LYPD6B: variants seen among roughly 807,000 people sequenced by gnomAD.
LYPD6B encodes the protein ly6/PLAUR domain-containing protein 6B.
LYPD6B carries 17 observed loss-of-function variants against 22.8 expected under a neutral mutation model. The ratio of observed to expected loss-of-function variants is 0.75; its 90% CI spans 0.51 to 1.12. LYPD6B has a LOEUF of 1.12. Among genes scored for constraint, LYPD6B ranks in the 50% most tolerant of loss-of-function variants. The pLI, the probability that LYPD6B is intolerant of heterozygous loss-of-function variation, is 0.00. For synonymous variants in LYPD6B, 106 were observed against 91.6 expected, an observed-to-expected ratio of 1.16 and a Z score of -0.90; for missense variants, 221 against 258.3, an observed-to-expected ratio of 0.86 and a Z score of 0.99.
chr2:149,212,568 A>G (rs895408789), intron 5 of LYPD6B, among the ~76,000 whole-genome samples: 2 of 152,124 alleles, frequency 1.3e-5, no homozygotes, highest in African/African-American at 4.8e-5. Flanking sequence ...AAACAACTGT[A>G]TAATGAAACA....
At chr2:149,072,526 T>TATTTTATTTTATTTTATTTTATTTC (rs1684668065) in intron 1 of LYPD6B, among the ~76,000 whole-genome samples, 1 of 139,328 alleles carries the variant, frequency 7.2e-6, no homozygotes, top group Admixed American at 7.1e-5. Flanking sequence ...TATTTTATTT[T>TATTTTATTTTATTTTATTTTATTTC]ATTTTATTTC....
intron 1 of LYPD6B, among the ~76,000 whole-genome samples, chr2:149,112,223 A>G (rs918575022): frequency 6.6e-6 from 1 of 152,200 alleles, no homozygotes; most frequent in African/African-American, 2.4e-5. Context: ...TATGAAAAAA[A>G]GTTCCCTGTA....
chr2:149,152,464 TG>T (rs1329076595), intron 2 of LYPD6B, among the ~76,000 whole-genome samples: 13 of 152,312 alleles, frequency 8.5e-5, no homozygotes, highest in African/African-American at 2.9e-4. Flanking sequence ...TCAATGGCTA[TG>T]GAATTGGACA....
chr2:149,152,560 G>A (rs1254986364), intron 2 of LYPD6B, among the ~76,000 whole-genome samples: 2 of 152,200 alleles, frequency 1.3e-5, no homozygotes, highest in African/African-American at 4.8e-5. Flanking sequence ...TGAAGGGGCT[G>A]GGCGTTAAGG....
At chr2:149,175,051 C>CTGTGTG (rs1400990741) in intron 3 of LYPD6B, among the ~76,000 whole-genome samples, 3 of 134,650 alleles carry the variant, frequency 2.2e-5, no homozygotes, top group Non-Finnish European at 3.2e-5. Flanking sequence ...CTCTCTCTCT[C>CTGTGTG]TCTCTCTCTC....
chr2:149,213,805 C>A (rs536422187), intron 6 of LYPD6B, among the ~76,000 whole-genome samples: 2 of 152,248 alleles, frequency 1.3e-5, no homozygotes, highest in African/African-American at 2.4e-5. Flanking sequence ...TGAAATGGAA[C>A]CTCAGGGTAA....
chr2:149,180,625 C>A (rs966617968), intron 3 of LYPD6B, among the ~76,000 whole-genome samples: 2 of 152,218 alleles, frequency 1.3e-5, no homozygotes, highest in African/African-American at 2.4e-5. Context: ...AATTTGTGGG[C>A]AGGAGGCTCA....
chr2:149,171,711 T>C (rs1426365706), intron 3 of LYPD6B, among the ~76,000 whole-genome samples: 3 of 152,186 alleles, frequency 2.0e-5, no homozygotes, highest in Non-Finnish European at 2.9e-5. Flanking sequence ...TTCAATGCTC[T>C]TCTCCACTAT....
chr2:149,140,890 TA>T (rs1237728525), intron 2 of LYPD6B, among the ~76,000 whole-genome samples: 2 of 152,166 alleles, frequency 1.3e-5, no homozygotes, highest in African/African-American at 2.4e-5. Flanking sequence ...TTTGCAAAAA[TA>T]AACACTTTAG....
rs1686578128 is a variant in LYPD6B, at chr2:149,108,241, G to T, written c.-66-22642G>T. ...CCTTGCCTTCCACCATGATTGTAAGGCTCCCCCAGCCACGTGGAACTGTAA... is the reference window on the plus strand; with the variant it reads ...CCTTGCCTTCCACCATGATTGTAAGTCTCCCCCAGCCACGTGGAACTGTAA... On this transcript the variant is annotated intron_variant, in intron 1 of 6. Coordinates refer to ENST00000409642, the MANE Select transcript of LYPD6B (RefSeq NM_177964.5). 2.6e-5 allele frequency among the ~76,000 whole-genome samples: 4 copies of T among 152,140 alleles called. No homozygotes were observed. The South Asian group carries it at 8.3e-4, about 31-fold the overall frequency.
intron 1 of LYPD6B, among the ~76,000 whole-genome samples, chr2:149,064,112 G>T (rs1348877658): frequency 6.6e-6 from 1 of 152,120 alleles, no homozygotes; most frequent in Non-Finnish European, 1.5e-5. Flanking sequence ...AAAATGTTTT[G>T]TAACCAGCTT....
At chr2:149,209,159 G>A (rs1306777168) in intron 5 of LYPD6B, among the ~76,000 whole-genome samples, 3 of 152,098 alleles carry the variant, frequency 2.0e-5, no homozygotes, top group Non-Finnish European at 4.4e-5. Context: ...CTAATAATTT[G>A]GATTTTATTG....
chr2:149,196,094 A>G (rs10490385), intron 3 of LYPD6B, among the ~76,000 whole-genome samples: 1 of 152,006 alleles, frequency 6.6e-6, no homozygotes, highest in African/African-American at 2.4e-5. Context: ...TTTAACATAC[A>G]TAATTTTTCA....
rs543187114 is a variant in LYPD6B at position 149,120,625 on chromosome 2, C to T, written c.-66-10258C>T. Among the ~76,000 whole-genome samples the T allele has an allele frequency of 7.0e-4, 105 of 149,322 alleles. 1 individual carries two copies. Among genetic ancestry groups the T allele is most frequent in the Non-Finnish European group, 1.3e-3 (91 of 67,416 alleles). ...GTCTCTATCTCCTGACCTCATGATC[C>T]GCCCGCCTCAGCCTCCCAAAGTGCT... is the stretch of plus-strand genomic sequence containing the variant. On this transcript the variant is annotated intron_variant, in intron 1 of 6. Coordinates refer to ENST00000409642, the MANE Select transcript of LYPD6B (RefSeq NM_177964.5).
chr2:149,092,841 C>T (rs1685721139), intron 1 of LYPD6B, among the ~76,000 whole-genome samples: 1 of 152,128 alleles, frequency 6.6e-6, no homozygotes, highest in South Asian at 2.1e-4. Context: ...TTTGTGAAGC[C>T]CACCTCAAGG....
At chr2:149,205,952 C>T (rs970501551) in intron 4 of LYPD6B, 2 of 436,740 alleles carry the variant, frequency 4.6e-6, no homozygotes, top group African/African-American at 4.1e-5. Flanking sequence ...TATGTTAATA[C>T]ATTTTACATA....
intron 1 of LYPD6B, among the ~76,000 whole-genome samples, chr2:149,054,003 GT>G (rs1683678814): frequency 6.6e-6 from 1 of 152,194 alleles, no homozygotes; most frequent in Non-Finnish European, 1.5e-5. Flanking sequence ...CCATTTATCA[GT>G]TGATGGACAT....
chr2:149,163,676 A>G (rs1323837416), intron 3 of LYPD6B, among the ~76,000 whole-genome samples: 1 of 152,154 alleles, frequency 6.6e-6, no homozygotes, highest in Non-Finnish European at 1.5e-5. Context: ...AGGTGAGGGA[A>G]CACTGATTTA....
chr2:149,081,342 T>A (rs1685125576), intron 1 of LYPD6B, among the ~76,000 whole-genome samples: 1 of 152,252 alleles, frequency 6.6e-6, no homozygotes, highest in South Asian at 2.1e-4. Context: ...TGATTTTAGG[T>A]AATACCACCA....
Sources: allele counts gnomAD v4.1 joint callset (sites outside exome capture counted in the v4.1 genomes callset), GRCh38; gene constraint gnomAD v4.1.1; transcripts MANE v1.5; gene names NCBI Gene and HGNC (gene_info 2026-07-23, HGNC 2026-07-21).